Variants in RNGTT observed in about 807,000 individuals in gnomAD.
RNGTT encodes the protein RNA guanylyltransferase and 5'-phosphatase.
Under a neutral mutation model 79.3 loss-of-function variants are expected in RNGTT, and 33 were observed. The observed-to-expected ratio is 0.42, with a 90% confidence interval of 0.32 to 0.56. The LOEUF is 0.56. Among genes scored for constraint, RNGTT ranks in the 20% least tolerant of loss-of-function variants. The pLI, the probability that RNGTT is intolerant of heterozygous loss-of-function variation, is 0.17. For synonymous variants in RNGTT, 222 were observed against 235.9 expected (o/e 0.94, Z 0.54); for missense variants, 497 against 739.1 (o/e 0.67, Z 3.80).
In RNGTT at chr6:88,707,935, T is replaced by A. The variant is rs192241131; in HGVS notation, c.1440-29516A>T. On this transcript the variant is annotated intron_variant, in intron 13 of 15. Transcript: ENST00000369485. Reference sequence around the variant, plus strand: ...ACAGATTCTACTCTTCAAAATATTATGTTTTAATAAAAGAAACCAAAAAAA... The same window carrying A: ...ACAGATTCTACTCTTCAAAATATTAAGTTTTAATAAAAGAAACCAAAAAAA... Among the ~76,000 whole-genome samples, 364 of 152,014 alleles carry A rather than the reference T, an allele frequency of 2.4e-3. 1 individual carries two copies. Among genetic ancestry groups the A allele is most frequent in the Admixed American group, 5.0e-3 (76 of 15,248 alleles).
chr6:88,773,361 C>G lies in RNGTT; in HGVS notation c.1339-3487G>C, dbSNP rs1318907393. 4.1e-5 allele frequency among the ~76,000 whole-genome samples: 6 copies of G among 147,278 alleles called. No individual in the cohort carries two copies. The East Asian group carries it at 1.2e-3, about 30-fold the overall frequency. ...GGGAGGGATAGCATCGGGAGATATA[C>G]CTAATGCTAGATGACGAGTTAGTGG... is the stretch of plus-strand genomic sequence containing the variant. On this transcript the variant is annotated intron_variant, in intron 12 of 15. Transcript: ENST00000369485.
chr6:88,889,186 T>C (rs571484089), intron 8 of RNGTT, among the ~76,000 whole-genome samples: 1 of 152,270 alleles, frequency 6.6e-6, no homozygotes, highest in South Asian at 2.1e-4. Context: ...AATGAATATG[T>C]CTTACCTATA....
In RNGTT at chr6:88,625,777, G is replaced by T. The variant is rs916754991; in HGVS notation, c.1507-11382C>A. 2.0e-5 allele frequency among the ~76,000 whole-genome samples: 3 copies of T among 151,668 alleles called. 1 individual carries two copies. The highest frequency in any genetic ancestry group is 2.1e-4 in the South Asian group (1 of 4,828). ...ATAATACAAAAAAAACAAGAAACAG[G>T]TCAGTTAAAAAAAAAGTAATTTCAA... On this transcript the variant is annotated intron_variant, in intron 14 of 15. Transcript: ENST00000369485.
chr6:88,807,888 A>C (rs1490350991), intron 11 of RNGTT, among the ~76,000 whole-genome samples: 1 of 152,214 alleles, frequency 6.6e-6, no homozygotes, highest in Non-Finnish European at 1.5e-5. Context: ...CCATGAGACA[A>C]TGAAACCTCA....
chr6:88,779,455 A>G (rs549226945), intron 12 of RNGTT, among the ~76,000 whole-genome samples: 1 of 152,284 alleles, frequency 6.6e-6, no homozygotes, highest in African/African-American at 2.4e-5. Context: ...TTTAATATGT[A>G]ATTTTATTTA....
rs547582502 is a variant in RNGTT at position 88,817,584 on chromosome 6, A to G, written c.1270-15952T>C. 5.3e-5 allele frequency among the ~76,000 whole-genome samples: 8 copies of G among 151,446 alleles called. No individual in the cohort carries two copies. In the South Asian group the frequency reaches 1.5e-3, roughly 28 times the overall value. On this transcript the variant is annotated intron_variant, in intron 11 of 15. Transcript: ENST00000369485. ...CACATACGTGTACACACACACACTC[A>G]TATTCTCCAACTATCAGAAAACTAA... is the stretch of plus-strand genomic sequence containing the variant.
chr6:88,894,808 A>C (rs1170480885), intron 6 of RNGTT, among the ~76,000 whole-genome samples: 2 of 152,190 alleles, frequency 1.3e-5, no homozygotes, highest in African/African-American at 4.8e-5. Flanking sequence ...GACTCATGCC[A>C]GTAATCCCGG....
intron 4 of RNGTT, among the ~76,000 whole-genome samples, chr6:88,913,731 C>T (rs994544560): frequency 1.3e-5 from 2 of 152,078 alleles, no homozygotes; most frequent in Admixed American, 1.3e-4. Flanking sequence ...ACCATCTATG[C>T]TAAACCCACA....
chr6:88,801,280 T>C (rs1582476527), intron 12 of RNGTT, among the ~76,000 whole-genome samples: 1 of 152,234 alleles, frequency 6.6e-6, no homozygotes, highest in Non-Finnish European at 1.5e-5. Context: ...TAACTAATTA[T>C]ATTAAAAGAC....
At chr6:88,663,542 G>A (rs9362536) in intron 14 of RNGTT, among the ~76,000 whole-genome samples, 17,346 of 152,126 alleles carry the variant, frequency 0.11, 1,114 homozygotes, top group Middle Eastern at 0.22. Context: ...TCCACCCGCC[G>A]AGGGAAGTCA....
intron 14 of RNGTT, among the ~76,000 whole-genome samples, chr6:88,651,118 A>AC (rs970070331): frequency 1.3e-4 from 20 of 152,024 alleles, no homozygotes; most frequent in African/African-American, 4.3e-4. Flanking sequence ...GTTAAAAAAA[A>AC]AACAACAACA....
intron 8 of RNGTT, among the ~76,000 whole-genome samples, chr6:88,863,983 C>G (rs1258640976): frequency 1.3e-5 from 2 of 152,106 alleles, no homozygotes; most frequent in Non-Finnish European, 2.9e-5. Flanking sequence ...GCTTTAACTT[C>G]ACAGTTGCAA....
At position 88,891,800 on chromosome 6, in the gene RNGTT, T is replaced by G; in HGVS notation, c.794+6A>C. ...TTTTATTTAAAAATTTAAAAATATTTATTACCCTTCCCAGCCACAGAATTG... is the reference window on the plus strand; with the variant it reads ...TTTTATTTAAAAATTTAAAAATATTGATTACCCTTCCCAGCCACAGAATTG... On this transcript the variant is annotated splice_donor_region_variant and intron_variant, in intron 7 of 15. Transcript: ENST00000369485. 6.6e-7 allele frequency: 1 copy of G among 1,525,758 alleles called. No homozygotes were observed. Among genetic ancestry groups the G allele is most frequent in the Non-Finnish European group, 8.8e-7 (1 of 1,137,728 alleles). 94.5% of individuals were successfully genotyped at this position (1,525,758 alleles called of 1,614,324 possible).
chr6:88,937,113 C>T lies in RNGTT; in HGVS notation c.174+3958G>A, dbSNP rs542136462. ...ATCCCAACACTTTAAGAGGCCGAAGCGGGCAGATCACGTGAGGTCAGGAGT... is the reference window on the plus strand; with the variant it reads ...ATCCCAACACTTTAAGAGGCCGAAGTGGGCAGATCACGTGAGGTCAGGAGT... On this transcript the variant is annotated intron_variant, in intron 2 of 15. Transcript: ENST00000369485. Among the ~76,000 whole-genome samples the T allele has an allele frequency of 2.0e-3, 300 of 152,202 alleles. 1 individual carries two copies. The highest frequency in any genetic ancestry group is 2.0e-3 in the Non-Finnish European group (136 of 68,012).
intron 6 of RNGTT, among the ~76,000 whole-genome samples, chr6:88,897,517 C>T (rs1191645765): frequency 1.3e-5 from 2 of 152,184 alleles, no homozygotes; most frequent in African/African-American, 4.8e-5. Flanking sequence ...CTTATCCACA[C>T]TAATAAATAT....
chr6:88,936,200 T>C (rs756833622), intron 2 of RNGTT, among the ~76,000 whole-genome samples: 6 of 152,196 alleles, frequency 3.9e-5, no homozygotes, highest in Non-Finnish European at 5.9e-5. Context: ...CCAAAGCACT[T>C]TGGGGTCAAA....
chr6:88,842,217 C>T (rs907325556), intron 11 of RNGTT, among the ~76,000 whole-genome samples: 1 of 151,990 alleles, frequency 6.6e-6, no homozygotes, highest in Non-Finnish European at 1.5e-5. Context: ...ACACAGAAAA[C>T]ACCATGTATA....
intron 14 of RNGTT, among the ~76,000 whole-genome samples, chr6:88,628,721 T>C (rs1000300252): frequency 6.6e-6 from 1 of 152,170 alleles, no homozygotes; most frequent in African/African-American, 2.4e-5. Flanking sequence ...AGAATGAGAA[T>C]ATTTAAATAG....
chr6:88,647,882 T>A (rs1773640889), intron 14 of RNGTT, among the ~76,000 whole-genome samples: 1 of 151,458 alleles, frequency 6.6e-6, no homozygotes, highest in Admixed American at 6.6e-5. Context: ...TTTAAACTCT[T>A]AAGACACAAA....
Sources: allele counts gnomAD v4.1 joint callset (sites outside exome capture counted in the v4.1 genomes callset), GRCh38; gene constraint gnomAD v4.1.1; transcripts MANE v1.5; gene names NCBI Gene and HGNC (gene_info 2026-07-23, HGNC 2026-07-21).